The following TAPBPL variants were observed in gnomAD, a reference collection of about 807,000 sequenced individuals.
TAPBPL encodes the protein TAP binding protein like.
Under a neutral mutation model 44.8 loss-of-function variants are expected in TAPBPL, and 32 were observed. The ratio of observed to expected loss-of-function variants is 0.71; its 90% CI spans 0.54 to 0.96. TAPBPL has a LOEUF of 0.96. Ranked by LOEUF, TAPBPL falls within the 40% of genes least tolerant of loss-of-function variation. The probability of loss-of-function intolerance (pLI) is 0.00; values close to 1 mark genes in which losing one functional copy is unlikely to be tolerated. For synonymous variants in TAPBPL, 230 were observed against 240.7 expected, an observed-to-expected ratio of 0.96 and a Z score of 0.41; for missense variants, 520 against 586.6, an observed-to-expected ratio of 0.89 and a Z score of 1.17.
chr12:6,451,826 G>A (rs1017327247), upstream of TAPBPL: 4 of 282,874 alleles, frequency 1.4e-5, no homozygotes, highest in African/African-American at 2.2e-5. Context: ...GGTTATGTTG[G>A]GGCCTGCTTA....
chr12:6,466,443 G>C, downstream of TAPBPL: 1 of 1,441,000 alleles, frequency 6.9e-7, no homozygotes, highest in Non-Finnish European at 9.3e-7. Flanking sequence ...AGCTACTCAA[G>C]AGGCTGAAGT....
downstream of TAPBPL, chr12:6,463,881 C>T (rs189529520): frequency 2.6e-4 from 333 of 1,278,222 alleles, no homozygotes; most frequent in African/African-American, 4.4e-3. The surrounding 1 kb of genome is among the most constrained non-coding windows in gnomAD (Gnocchi z 4.0). Context: ...AAATCCTGGA[C>T]GAACAGATTA....
At chr12:6,469,860 C>T (rs544443406), downstream of TAPBPL, among the ~76,000 whole-genome samples, 16 of 152,302 alleles carry the variant, frequency 1.1e-4, no homozygotes, top group South Asian at 3.1e-3. Context: ...TATTTCTCCT[C>T]CAACTATTTG....
rs541708097 is a variant in TAPBPL, at chr12:6,462,157, C to T, written c.*8C>T. The stretch of plus-strand genomic sequence containing the variant: ...GTAAGCCAGCCCAGCTGACCTAAAG[C>T]GACATGAGACTACTAGAAAGAAACG... On this transcript the variant is annotated 3_prime_UTR_variant, in exon 7 of 7. Transcript: ENST00000266556. 4.3e-5 allele frequency: 69 copies of T among 1,600,586 alleles called. No individual in the cohort carries two copies. The Admixed American group carries it at 1.1e-3, about 25-fold the overall frequency.
downstream of TAPBPL, chr12:6,466,744 C>T (rs536593792): frequency 1.1e-5 from 2 of 178,492 alleles, no homozygotes; most frequent in African/African-American, 4.8e-5. Context: ...CTGGGGCTAT[C>T]CTTTGACTCA....
chr12:6,456,216 CAT>C (rs764868564), intron 3 of TAPBPL, among the ~76,000 whole-genome samples: 27 of 152,060 alleles, frequency 1.8e-4, no homozygotes, highest in Non-Finnish European at 3.4e-4. Context: ...TAATCTAGAA[CAT>C]GTTTCATAGA....
chr12:6,461,025 G>C lies in TAPBPL; in HGVS notation c.1291+87G>C, dbSNP rs2286723. ...CCGCCCAGACCAGGGTGGAAGCCCA[G>C]ATGCCCCAAGCTCCAGCCACCCACC... On this transcript the variant is annotated intron_variant, in intron 6 of 6. Coordinates refer to ENST00000266556, the MANE Select transcript of TAPBPL (RefSeq NM_018009.5). The C allele has an allele frequency of 1.6e-5, 25 of 1,582,380 alleles. 1 individual carries two copies. The East Asian group carries it at 5.6e-4, about 36-fold the overall frequency.
chr12:6,462,405 C>A (rs1000146139), downstream of TAPBPL: 2 of 490,970 alleles, frequency 4.1e-6, no homozygotes, highest in Non-Finnish European at 7.2e-6. Context: ...CAGTGGAAAC[C>A]CCACATCGTC....
downstream of TAPBPL, chr12:6,466,659 G>A (rs1408838414): frequency 8.3e-6 from 2 of 240,840 alleles, no homozygotes; most frequent in African/African-American, 2.3e-5. Flanking sequence ...GAGGCAAGAA[G>A]TAAAAGATGA....
downstream of TAPBPL, chr12:6,465,733 C>T: frequency 7.0e-7 from 1 of 1,420,540 alleles, no homozygotes; most frequent in East Asian, 2.4e-5. Flanking sequence ...TTATGCTGGT[C>T]AGAGAGATCC....
At chr12:6,458,510 C>T (rs1949759075) in intron 4 of TAPBPL, 135 bp from the exon 5 acceptor site, 4 of 1,080,604 alleles carry the variant, frequency 3.7e-6, no homozygotes, top group Admixed American at 2.6e-5. Context: ...TCACACACCC[C>T]CGCCTTGGTA....
At chr12:6,466,139 C>T (rs1025837596), downstream of TAPBPL, 22 of 1,610,164 alleles carry the variant, frequency 1.4e-5, no homozygotes, top group East Asian at 3.1e-4. Context: ...TATTCTCCTA[C>T]GAAAAAAGGA....
chr12:6,470,414 T>G, downstream of TAPBPL: 2 of 1,486,360 alleles, frequency 1.3e-6, no homozygotes, highest in Non-Finnish European at 1.9e-6. Flanking sequence ...CGCGCGGTGG[T>G]AGTTCCCCGC....
chr12:6,462,855 G>A (rs1389552528), downstream of TAPBPL: 11 of 1,605,756 alleles, frequency 6.9e-6, no homozygotes, highest in African/African-American at 1.3e-5. Context: ...TGGGCAGGAC[G>A]AAGGGAATGT....
At chr12:6,462,960 C>T, downstream of TAPBPL, 3 of 1,553,322 alleles carry the variant, frequency 1.9e-6, no homozygotes, top group Non-Finnish European at 1.7e-6. Context: ...AGCATGGCCT[C>T]AGCCTCTTCC....
intron 5 of TAPBPL, among the ~76,000 whole-genome samples, chr12:6,460,247 G>GT (rs1405888739): frequency 6.6e-6 from 1 of 151,992 alleles, no homozygotes; most frequent in African/African-American, 2.4e-5. Context: ...TTAACTGGTG[G>GT]TTTTTTGTTT....
chr12:6,460,613 C>T (rs1212168989), intron 5 of TAPBPL, among the ~76,000 whole-genome samples: 1 of 152,214 alleles, frequency 6.6e-6, no homozygotes, highest in Non-Finnish European at 1.5e-5. Context: ...ACTTGCAAAG[C>T]AATTTTTAAA....
chr12:6,461,030 C>T (rs1453071607), intron 6 of TAPBPL, 92 bp downstream of exon 6: 1 of 1,574,922 alleles, frequency 6.3e-7, no homozygotes, highest in Admixed American at 1.9e-5. Context: ...GCCCAGATGC[C>T]CCAAGCTCCA....
chr12:6,465,961 C>T (rs769166897), downstream of TAPBPL: 1 of 1,614,142 alleles, frequency 6.2e-7, no homozygotes, highest in African/African-American at 1.3e-5. Flanking sequence ...TGGTCCCTCT[C>T]CAGGACCTTG....
Sources: allele counts gnomAD v4.1 joint callset (sites outside exome capture counted in the v4.1 genomes callset), GRCh38; gene constraint gnomAD v4.1.1; non-coding constraint Gnocchi (gnomAD v3.1); transcripts MANE v1.5; gene names NCBI Gene and HGNC (gene_info 2026-07-23, HGNC 2026-07-21).